The following CNTNAP2 variants were observed in gnomAD, a reference collection of about 807,000 sequenced individuals.
CNTNAP2 encodes contactin associated protein 2.
In CNTNAP2, 98 loss-of-function variants were observed where a neutral mutation model predicts 155.2. The ratio of observed to expected loss-of-function variants is 0.63; its 90% CI spans 0.54 to 0.75. The LOEUF (loss-of-function observed/expected upper bound fraction) is 0.75. CNTNAP2 is among the 30% of genes least tolerant of loss of function. The pLI is 0.00. For missense variants in CNTNAP2, 1,727 were observed against 1,688.1 expected (o/e 1.02, Z -0.40); for synonymous variants, 651 against 631.2 (o/e 1.03, Z -0.47).
chr7:148,029,156 A>G (rs1476777755), intron 15 of CNTNAP2, among the ~76,000 whole-genome samples: 3 of 152,146 alleles, frequency 2.0e-5, no homozygotes, highest in Non-Finnish European at 2.9e-5. Context: ...TCACCATTCT[A>G]TCTACTGCAT....
intron 15 of CNTNAP2, among the ~76,000 whole-genome samples, chr7:148,111,146 G>T (rs573762497): frequency 1.2e-4 from 18 of 152,022 alleles, no homozygotes; most frequent in Non-Finnish European, 2.1e-4. Context: ...TTGACTGTTC[G>T]GTATAAACAG....
chr7:147,885,871 C>A (rs1203308889), intron 13 of CNTNAP2, among the ~76,000 whole-genome samples: 1 of 152,162 alleles, frequency 6.6e-6, no homozygotes, highest in Non-Finnish European at 1.5e-5. Context: ...GTAACTGCAA[C>A]ACAATACATG....
At chr7:146,808,856 C>T (rs1216306565) in intron 2 of CNTNAP2, among the ~76,000 whole-genome samples, 3 of 152,164 alleles carry the variant, frequency 2.0e-5, no homozygotes, top group Admixed American at 6.5e-5. Flanking sequence ...AGTTCATTCA[C>T]GTTGTCACGA....
chr7:147,151,922 G>A (rs933937389), intron 8 of CNTNAP2, among the ~76,000 whole-genome samples: 1 of 152,064 alleles, frequency 6.6e-6, no homozygotes, highest in African/African-American at 2.4e-5. Flanking sequence ...TCTTTGGGAA[G>A]CCTTCCTTGT....
At chr7:147,163,275 CT>C (rs1802061955) in intron 8 of CNTNAP2, among the ~76,000 whole-genome samples, 2 of 152,248 alleles carry the variant, frequency 1.3e-5, no homozygotes, top group South Asian at 4.1e-4. Context: ...ACAACAATAT[CT>C]TAACTGTTAT....
rs1285352026 is a variant in CNTNAP2, at chr7:146,907,689, CA to C, written c.402+67789del. 1.0e-4 allele frequency among the ~76,000 whole-genome samples: 15 copies of C among 150,358 alleles called. No homozygotes were observed. The South Asian group carries it at 2.8e-3, about 28-fold the overall frequency. ...AAGGAACAACCGGTACCAGCTGCTG[CA>C]AAATCATGCCAAAATGTAAAGACCA... is the stretch of plus-strand genomic sequence containing the variant. On this transcript the variant is annotated intron_variant, in intron 3 of 23. Transcript: ENST00000361727.
chr7:148,091,509 C>G (rs145251972), intron 15 of CNTNAP2, among the ~76,000 whole-genome samples: 5 of 152,020 alleles, frequency 3.3e-5, no homozygotes, highest in Non-Finnish European at 7.4e-5. Context: ...CCAGAGAAGG[C>G]GATGCATATG....
chr7:146,565,417 CCCTTTCCAGGGAT>C (rs533962989), intron 1 of CNTNAP2, among the ~76,000 whole-genome samples: 163 of 152,024 alleles, frequency 1.1e-3, no homozygotes, highest in Non-Finnish European at 1.8e-3. Flanking sequence ...AATAACAGAT[CCCTTTCCAGGGAT>C]CCTTTCCAGG....
intron 1 of CNTNAP2, among the ~76,000 whole-genome samples, chr7:146,459,794 A>G (rs964053769): frequency 4.6e-5 from 7 of 152,028 alleles, no homozygotes; most frequent in Non-Finnish European, 1.0e-4. Context: ...AACATGGTGA[A>G]ACCCCATCTC....
At chr7:146,947,578 T>TATATATATATATATATATAC (rs1563016167) in intron 3 of CNTNAP2, among the ~76,000 whole-genome samples, 67 of 65,892 alleles carry the variant, frequency 1.0e-3, no homozygotes, top group Non-Finnish European at 8.3e-4. Flanking sequence ...TATATATACA[T>TATATATATATATATATATAC]ATATATATAT....
intron 1 of CNTNAP2, among the ~76,000 whole-genome samples, chr7:146,540,696 G>A (rs1047900100): frequency 3.9e-5 from 6 of 152,008 alleles, no homozygotes; most frequent in Admixed American, 6.6e-5. Context: ...TCCTGGTATA[G>A]CATAAAAATG....
intron 4 of CNTNAP2, among the ~76,000 whole-genome samples, chr7:147,091,530 C>A (rs935126662): frequency 7.9e-5 from 12 of 152,128 alleles, no homozygotes; most frequent in Non-Finnish European, 1.8e-4. Flanking sequence ...CGGCTCACTG[C>A]AACCTCCGCC....
At chr7:146,286,667 C>G (rs1020358055) in intron 1 of CNTNAP2, among the ~76,000 whole-genome samples, 29 of 152,260 alleles carry the variant, frequency 1.9e-4, no homozygotes, top group African/African-American at 6.3e-4. Context: ...CTTCTAGGGC[C>G]TTCCTTGTCT....
At chr7:147,049,355 T>A (rs1052907180) in intron 4 of CNTNAP2, among the ~76,000 whole-genome samples, 1 of 152,222 alleles carries the variant, frequency 6.6e-6, no homozygotes, top group African/African-American at 2.4e-5. Flanking sequence ...TAAACATATT[T>A]GTTACGAAAC....
intron 11 of CNTNAP2, among the ~76,000 whole-genome samples, chr7:147,524,788 A>C (rs1190462026): frequency 6.6e-6 from 1 of 152,222 alleles, no homozygotes; most frequent in Non-Finnish European, 1.5e-5. Flanking sequence ...GAGAGGGACC[A>C]GAGAATGGAG....
chr7:148,017,153 G>A (rs12703988), intron 15 of CNTNAP2, among the ~76,000 whole-genome samples: 52,493 of 152,036 alleles, frequency 0.35, 9,844 homozygotes, highest in East Asian at 0.74. Context: ...CTTCTCATCT[G>A]CGTATGGTTG....
chr7:146,365,983 A>AATAATAGTGTCT (rs1795149679), intron 1 of CNTNAP2, among the ~76,000 whole-genome samples: 1 of 152,190 alleles, frequency 6.6e-6, no homozygotes, highest in South Asian at 2.1e-4. Flanking sequence ...GTGTATTGGC[A>AATAATAGTGTCT]ATAATAGTGT....
intron 21 of CNTNAP2, among the ~76,000 whole-genome samples, chr7:148,355,694 T>G (rs929860460): frequency 1.3e-5 from 2 of 152,234 alleles, no homozygotes; most frequent in African/African-American, 4.8e-5. Flanking sequence ...TCCCTTGAAC[T>G]GTGAATCAAC....
At chr7:148,242,240 C>T (rs1481244017) in intron 20 of CNTNAP2, among the ~76,000 whole-genome samples, 3 of 152,166 alleles carry the variant, frequency 2.0e-5, no homozygotes, top group African/African-American at 7.2e-5. Context: ...ATGGGCAGAG[C>T]GGGTTGTTTC....
Sources: gnomAD v4.1 joint callset for allele counts (sites outside exome capture counted in the v4.1 genomes callset) on GRCh38, gnomAD v4.1.1 for gene constraint, MANE v1.5 for transcripts, NCBI Gene and HGNC (gene_info 2026-07-23, HGNC 2026-07-21) for gene names.